CIDEB: variants seen among roughly 807,000 people sequenced by gnomAD.
CIDEB encodes the protein cell death inducing DFFA like effector b, also known as lipid transferase CIDEB.
In CIDEB, 27 loss-of-function variants were observed where a neutral mutation model predicts 22.4. The ratio of observed to expected loss-of-function variants is 1.21; its 90% CI spans 0.89 to 1.66. The LOEUF is 1.66. CIDEB is among the 40% of genes most tolerant of loss of function. The pLI, the probability that CIDEB is intolerant of heterozygous loss-of-function variation, is 0.00. For missense variants in CIDEB, 289 were observed against 268.7 expected (o/e 1.08, Z -0.53); for synonymous variants, 103 against 109.5 (o/e 0.94, Z 0.37).
At chr14:24,307,323 C>G (rs1698641432) in intron 2 of CIDEB, 48 bp downstream of exon 2, 1 of 1,571,350 alleles carries the variant, frequency 6.4e-7, no homozygotes, top group Admixed American at 1.8e-5. Flanking sequence ...TGTTGTGGAG[C>G]CCCTTGGCTA....
upstream of CIDEB, chr14:24,310,655 G>T (rs748373828): frequency 6.2e-7 from 1 of 1,614,094 alleles, no homozygotes. Flanking sequence ...CCACCTGTAG[G>T]CCCAGAAGGA....
chr14:24,311,089 TGCTGGCGGTCTG>T (rs766303298), upstream of CIDEB: 10 of 1,563,126 alleles, frequency 6.4e-6, no homozygotes, highest in South Asian at 1.2e-4. Context: ...CGCCGCCTGC[TGCTGGCGGTCTG>T]GCTGGCCGCC....
At position 24,306,641 on chromosome 14, in the gene CIDEB, G is replaced by A. The variant is rs1043462178; in HGVS notation, c.187-118C>T. The A allele has an allele frequency of 2.3e-6, 3 of 1,284,290 alleles. No individual in the cohort carries two copies. In the African/African-American group the frequency reaches 4.4e-5, roughly 19 times the overall value. The allele number at this position is 1,284,290 out of a possible 1,614,324, so 79.6% of individuals were successfully genotyped here. A position where few individuals can be genotyped will look rare whatever the true frequency, so the allele number is the denominator to read the frequency against. ...GGTCGATGTCCCACTTTGACTTTCC[G>A]GCACTTTGATACCTCCTAAAGGTTG... On this transcript the variant is annotated intron_variant, in intron 2 of 4. Transcript: ENST00000554411.
chr14:24,307,533 A>G lies in CIDEB; in HGVS notation c.42-18T>C, dbSNP rs201740946. 2.3e-4 allele frequency: 374 copies of G among 1,610,658 alleles called. 1 individual carries two copies. Among genetic ancestry groups the G allele is most frequent in the Non-Finnish European group, 3.0e-4 (357 of 1,177,818 alleles). ...ATACTGACCTGGTAGTTGAGAAGAA[A>G]AGTCAAGAAGGGGCGAGGAGGGGCT... On this transcript the variant is annotated intron_variant, in intron 1 of 4. Transcript: ENST00000554411.
chr14:24,305,511 A>C lies in CIDEB; in HGVS notation c.*122T>G. On this transcript the variant is annotated 3_prime_UTR_variant, in exon 5 of 5. Coordinates refer to ENST00000554411, the MANE Select transcript of CIDEB (RefSeq NM_001393339.1). The stretch of plus-strand genomic sequence containing the variant: ...GGTTCTGTCACGAGGGGATCAGAGG[A>C]CAGTGGGGAAATTGGGTGGGTTATC... The C allele has an allele frequency of 8.3e-7, 1 of 1,203,080 alleles. No individual in the cohort carries two copies. Among genetic ancestry groups the C allele is most frequent in the Non-Finnish European group, 1.2e-6 (1 of 854,324 alleles). 74.5% of individuals were successfully genotyped at this position (1,203,080 alleles called of 1,614,324 possible).
intron 2 of CIDEB, 118 bp downstream of exon 2, chr14:24,307,253 C>T (rs2041540051): frequency 1.8e-5 from 21 of 1,184,276 alleles, no homozygotes; most frequent in Non-Finnish European, 2.4e-5. Flanking sequence ...GCTTTTAGCC[C>T]TCAGAGGGAG....
At chr14:24,309,325 A>G (rs2041615239), upstream of CIDEB, 1 of 152,152 alleles carries the variant, frequency 6.6e-6, no homozygotes, top group Admixed American at 6.5e-5. Flanking sequence ...CCTGTACCCA[A>G]GCCCTTAGCT....
chr14:24,310,266 C>G (rs1483213547), upstream of CIDEB: 1 of 537,816 alleles, frequency 1.9e-6, no homozygotes, highest in African/African-American at 1.9e-5. Context: ...GTAAGTAGAT[C>G]TGTGCACGTC....
In CIDEB at chr14:24,305,662, G is replaced by T; in HGVS notation, c.631C>A (p.Gln211Lys). Reference sequence around the variant, plus strand: ...TAGGAATGGAGGCGGCCCTTCTGCTGCCACTGCTCAGCCCCCTCCACTGCA... The same window carrying T: ...TAGGAATGGAGGCGGCCCTTCTGCTTCCACTGCTCAGCCCCCTCCACTGCA... ...RHAVEGAEQW[Q>K]QKGRLHSY The change falls in exon 5 of 5, where the codon CAG (glutamine) becomes AAG (lysine). Residue 211 changes from glutamine (Q) to lysine (K), a missense_variant. Physicochemically the swap from Gln to Lys is moderately conservative, Grantham distance 53. Transcript: ENST00000554411. 1 of 1,614,084 alleles carries T rather than the reference G, an allele frequency of 6.2e-7. No individual in the cohort carries two copies. The highest frequency in any genetic ancestry group is 8.5e-7 in the Non-Finnish European group (1 of 1,179,970).
chr14:24,306,630 T>A, intron 2 of CIDEB, 107 bp from the exon 3 acceptor site: 2 of 1,456,468 alleles, frequency 1.4e-6, no homozygotes, highest in Non-Finnish European at 1.9e-6. Flanking sequence ...GATGTCCCAC[T>A]TTGACTTTCC....
In CIDEB at chr14:24,305,574, G is replaced by T; in HGVS notation, c.*59C>A. On this transcript the variant is annotated 3_prime_UTR_variant, in exon 5 of 5. Coordinates refer to ENST00000554411, the MANE Select transcript of CIDEB (RefSeq NM_001393339.1). The stretch of plus-strand genomic sequence containing the variant: ...TCTGCAGGTCCTGAAATTTGATGCT[G>T]TCATAGTCTTTGCAGTGGGTCGGTT... 1.3e-6 allele frequency: 2 copies of T among 1,572,594 alleles called. No individual in the cohort carries two copies. The highest frequency in any genetic ancestry group is 2.4e-5 in the South Asian group (2 of 83,546).
chr14:24,308,704 C>G (rs939375485), upstream of CIDEB: 4 of 152,226 alleles, frequency 2.6e-5, no homozygotes, highest in African/African-American at 9.7e-5. Flanking sequence ...CAGTTGCAGC[C>G]GTGATGGACA....
chr14:24,310,578 C>T (rs149607275), upstream of CIDEB: 3 of 1,387,908 alleles, frequency 2.2e-6, no homozygotes, highest in South Asian at 2.3e-5. Flanking sequence ...AGGCATGGCA[C>T]CTTCTCATCG....
rs376054945 is a variant in CIDEB at position 24,305,636 on chromosome 14, G to A, written c.657C>T (p.Tyr219=). 18 of 1,612,474 alleles carry A rather than the reference G, an allele frequency of 1.1e-5. No homozygotes were observed. The highest frequency in any genetic ancestry group is 1.5e-5 in the Non-Finnish European group (18 of 1,179,294). ...GGGGGCAGAAGCTCAGAGCCCCTTA[G>A]TAGGAATGGAGGCGGCCCTTCTGCT... is the stretch of plus-strand genomic sequence containing the variant. ...QWQQKGRLHS[Y] is the part of the protein sequence containing the mutation. Residue 219 remains tyrosine, a synonymous_variant, in exon 5 of 5, where the codon TAC becomes TAT. Coordinates refer to ENST00000554411, the MANE Select transcript of CIDEB (RefSeq NM_001393339.1).
chr14:24,310,785 G>A (rs1161879488), upstream of CIDEB: 2 of 1,606,130 alleles, frequency 1.2e-6, no homozygotes, highest in East Asian at 2.2e-5. Flanking sequence ...CAACGGCTTC[G>A]TGGTGTGGAG....
At chr14:24,308,144 A>C, upstream of CIDEB, 14 of 479,604 alleles carry the variant, frequency 2.9e-5, no homozygotes, top group African/African-American at 3.9e-5. Context: ...GTGAGGGTAG[A>C]TGGGAACCAT....
Position 24,307,381 on chromosome 14 carries a change from A to G in CIDEB, c.176T>C (p.Leu59Pro). 6.2e-7 allele frequency: 1 copy of G among 1,613,510 alleles called. No homozygotes were observed. The highest frequency in any genetic ancestry group is 8.5e-7 in the Non-Finnish European group (1 of 1,179,704). ...ACTTGGCCTACTTACTTTGGCTAGC[A>G]GCTCCTGGCGGGTGGCAGCTGTCAG... ...KGLTAATRQE[L>P]LAKALETLLL... The change falls in exon 2 of 5, where the codon CTG (leucine) becomes CCG (proline). Residue 59 changes from leucine to proline, a missense_variant. By Grantham distance (98) the Leu-to-Pro change is moderately conservative. Coordinates refer to ENST00000554411, the MANE Select transcript of CIDEB (RefSeq NM_001393339.1).
chr14:24,310,398 C>G, upstream of CIDEB: 3 of 629,192 alleles, frequency 4.8e-6, no homozygotes, highest in South Asian at 3.6e-5. Context: ...TGACTTTATG[C>G]CTGTTTACCA....
chr14:24,306,498 C>T lies in CIDEB; in HGVS notation c.212G>A (p.Gly71Glu). ...AKALETLLLNGVLTLVLEEDG... is the reference protein window; with the variant it reads ...AKALETLLLNEVLTLVLEEDG... Reference sequence around the variant, plus strand: ...CTCCTCTAGCACCAGGGTTAGCACTCCATTCAGCAGTAGGGTCTCCAATGC... The same window carrying T: ...CTCCTCTAGCACCAGGGTTAGCACTTCATTCAGCAGTAGGGTCTCCAATGC... The change falls in exon 3 of 5, where the codon GGA becomes GAA. Residue 71 changes from glycine to glutamate, a missense_variant. Transcript: ENST00000554411. 6.2e-7 allele frequency: 1 copy of T among 1,614,244 alleles called. No individual in the cohort carries two copies. Among genetic ancestry groups the T allele is most frequent in the Non-Finnish European group, 8.5e-7 (1 of 1,180,042 alleles).
Sources: allele counts gnomAD v4.1 joint callset, GRCh38; gene constraint gnomAD v4.1.1; transcripts MANE v1.5; gene names NCBI Gene and HGNC (gene_info 2026-07-23, HGNC 2026-07-21).